The following ADAMTS7 variants were observed in gnomAD, a reference collection of about 807,000 sequenced individuals.
ADAMTS7 encodes A disintegrin and metalloproteinase with thrombospondin motifs 7.
In ADAMTS7, 89 loss-of-function variants were observed where a neutral mutation model predicts 172.6. The observed-to-expected ratio is 0.52, with a 90% CI of 0.43 to 0.61. The LOEUF (loss-of-function observed/expected upper bound fraction) is 0.61, where lower values mean the gene tolerates loss of function less well. Ranked by LOEUF, ADAMTS7 falls within the 20% of genes least tolerant of loss-of-function variation. The probability of loss-of-function intolerance (pLI) is 0.00; values close to 1 mark genes in which losing one functional copy is unlikely to be tolerated. For missense variants in ADAMTS7, 1,973 were observed against 2,355.6 expected (o/e 0.84, Z 3.36); for synonymous variants, 885 against 978.4 (o/e 0.90, Z 1.78).
At position 78,759,595 on chromosome 15, in the gene ADAMTS7, G is replaced by C. The variant is rs770290977; in HGVS notation, c.4904-17C>G. 5 of 1,567,824 alleles carry C rather than the reference G, an allele frequency of 3.2e-6. No homozygotes were observed. Among genetic ancestry groups the C allele is most frequent in the South Asian group, 1.2e-5 (1 of 86,716 alleles). ...GCTCACAGCCTGGAGTGGGGGGGCA[G>C]AGAGGCATCAGAACCAGTAGCTTGG... On this transcript the variant is annotated splice_polypyrimidine_tract_variant and intron_variant, in intron 23 of 23. Transcript: ENST00000388820.
At chr15:78,761,958 C>T (rs1567199082) in intron 23 of ADAMTS7, 1 of 985,296 alleles carries the variant, frequency 1.0e-6, no homozygotes, top group Non-Finnish European at 1.2e-6. Flanking sequence ...CCTGTGGTTC[C>T]ATTGCTCACT....
chr15:78,779,541 C>T (rs1041451847), intron 8 of ADAMTS7, among the ~76,000 whole-genome samples: 13 of 152,186 alleles, frequency 8.5e-5, no homozygotes, highest in African/African-American at 1.7e-4. Context: ...ACCATGGCAG[C>T]GAGACCTGGT....
Position 78,788,307 on chromosome 15 carries a change from A to G in ADAMTS7, c.1246T>C (p.Ser416Pro). ...EPVGKRPFIM[S>P]PQLLYDAAPL... ...GCGGCGTCGTACAGGAGCTGTGGAG[A>G]CATGATGAAAGGTCGTTTCCCAACG... The change falls in exon 8 of 24, where the codon TCT (serine) becomes CCT (proline). Residue 416 changes from serine (S) to proline (P), a missense_variant. Ser to Pro is a moderately conservative substitution (Grantham distance 74). Coordinates refer to ENST00000388820, the MANE Select transcript of ADAMTS7 (RefSeq NM_014272.5). 2 of 1,613,680 alleles carry G rather than the reference A, an allele frequency of 1.2e-6. No individual in the cohort carries two copies. Among genetic ancestry groups the G allele is most frequent in the East Asian group, 4.5e-5 (2 of 44,882 alleles).
intron 1 of ADAMTS7, among the ~76,000 whole-genome samples, chr15:78,805,055 GT>G (rs2055771164): frequency 6.6e-6 from 1 of 152,226 alleles, no homozygotes; most frequent in African/African-American, 2.4e-5. Flanking sequence ...AGAGATTCTG[GT>G]TGCACAGATC....
chr15:78,766,415 C>T lies in ADAMTS7; in HGVS notation c.3496G>A (p.Ala1166Thr), dbSNP rs780693652. 57 of 1,600,008 alleles carry T rather than the reference C, an allele frequency of 3.6e-5. No individual in the cohort carries two copies. The Middle Eastern group carries it at 1.1e-3, about 32-fold the overall frequency. The change falls in exon 19 of 24, where the codon GCC (alanine) becomes ACC (threonine). Residue 1166 changes from alanine (A) to threonine (T), a missense_variant. By Grantham distance (58) the Ala-to-Thr change is moderately conservative. This residue lies in a region of ADAMTS7 where 771 missense variants were observed against 952.6 expected (regional missense o/e 0.81). Coordinates refer to ENST00000388820, the MANE Select transcript of ADAMTS7 (RefSeq NM_014272.5). ...AGGCTGGGGAGCCCAAGATCTGGGG[C>T]CCCTATGGGGGTGTCTTCCTCAGGC... ...FLPEEDTPIG[A>T]PDLGLPSLSW...
intron 9 of ADAMTS7, 64 bp from the exon 10 acceptor site, chr15:78,776,905 C>G: frequency 7.2e-7 from 1 of 1,382,900 alleles, no homozygotes; most frequent in Non-Finnish European, 9.9e-7. Context: ...CCACCCTGCC[C>G]CCCTCCCTGT....
intron 1 of ADAMTS7, among the ~76,000 whole-genome samples, chr15:78,801,607 A>T (rs1381645254): frequency 6.6e-6 from 1 of 151,344 alleles, no homozygotes; most frequent in African/African-American, 2.4e-5. Flanking sequence ...CATTTTCATT[A>T]TTTTTTCTAT....
chr15:78,776,182 A>G lies in ADAMTS7; in HGVS notation c.1706+6T>C. ...TGCCCAAGGGCACCCTGGGCCCCAC[A>G]CTCACGTAGGCTGCGTGCACTGCCG... On this transcript the variant is annotated splice_donor_region_variant and intron_variant, in intron 11 of 23. Transcript: ENST00000388820. 6.2e-7 allele frequency: 1 copy of G among 1,603,590 alleles called. No homozygotes were observed. The highest frequency in any genetic ancestry group is 1.3e-5 in the African/African-American group (1 of 74,748).
In ADAMTS7 at chr15:78,771,655, G is replaced by A; in HGVS notation, c.2306C>T (p.Thr769Ile). 1 of 1,602,434 alleles carries A rather than the reference G, an allele frequency of 6.2e-7. No homozygotes were observed. Among genetic ancestry groups the A allele is most frequent in the Non-Finnish European group, 8.5e-7 (1 of 1,179,834 alleles). Residue 769 changes from threonine to isoleucine, a missense_variant, in exon 15 of 24, where the codon ACA (threonine) becomes ATA (isoleucine). Physicochemically the swap from Thr to Ile is moderately conservative, Grantham distance 89. Transcript: ENST00000388820. This position sits in a 1 kb window ranked among gnomAD's most constrained non-coding sequence, Gnocchi z 4.9. ...CTCCCAGTTGCCCCTGCGTGCGTAT[G>A]TGAAGGTGGTCCCTGCCACCTGGTA... ...GDYQVAGTTF[T>I]YARRGNWENL...
chr15:78,763,036 A>G (rs2055074628), intron 22 of ADAMTS7, among the ~76,000 whole-genome samples: 3 of 152,166 alleles, frequency 2.0e-5, no homozygotes, highest in South Asian at 2.1e-4. Flanking sequence ...TATCAGCCCT[A>G]AACATGCACT....
intron 1 of ADAMTS7, among the ~76,000 whole-genome samples, chr15:78,806,766 TTATG>T (rs2055802682): frequency 6.6e-6 from 1 of 152,056 alleles, no homozygotes; most frequent in South Asian, 2.1e-4. Flanking sequence ...TTTGTTTTGT[TTATG>T]TTTTTGTTTT....
At chr15:78,777,247 G>T (rs1427191715) in intron 9 of ADAMTS7, 197 bp downstream of exon 9, 7 of 754,408 alleles carry the variant, frequency 9.3e-6, no homozygotes, top group Non-Finnish European at 6.3e-6. Flanking sequence ...GGTTGACCCA[G>T]AATTCAGAGC....
chr15:78,806,808 C>T (rs1488112080), intron 1 of ADAMTS7, among the ~76,000 whole-genome samples: 2 of 152,194 alleles, frequency 1.3e-5, no homozygotes, highest in African/African-American at 4.8e-5. Flanking sequence ...TTCTTGTCCC[C>T]CAGGCTGGAG....
rs550439654 is a variant in ADAMTS7, at chr15:78,781,918, C to T, written c.1323-4330G>A. 2.0e-5 allele frequency among the ~76,000 whole-genome samples: 3 copies of T among 152,344 alleles called. No individual in the cohort carries two copies. The East Asian group carries it at 5.8e-4, about 29-fold the overall frequency. Reference sequence around the variant, plus strand: ...GTGCTAAGCACTGCACGCGTTTTCTCACTTATTCCTCATATCACATGCACA... The same window carrying T: ...GTGCTAAGCACTGCACGCGTTTTCTTACTTATTCCTCATATCACATGCACA... On this transcript the variant is annotated intron_variant, in intron 8 of 23. Coordinates refer to ENST00000388820, the MANE Select transcript of ADAMTS7 (RefSeq NM_014272.5).
Position 78,776,322 on chromosome 15 carries a change from A to G in ADAMTS7, c.1572T>C (p.Ser524=). The stretch of plus-strand genomic sequence containing the variant: ...GGAAGCCCACGGGTACGCACTCCCC[A>G]CTGAGACACCACTACTGAGACAGAC... ...TRCGENKWCL[S]GECVPVGFRP... Residue 524 remains serine (S), a synonymous_variant, in exon 11 of 24, where the codon AGT becomes AGC. Coordinates refer to ENST00000388820, the MANE Select transcript of ADAMTS7 (RefSeq NM_014272.5). 6.2e-7 allele frequency: 1 copy of G among 1,611,600 alleles called. No homozygotes were observed.
chr15:78,771,022 C>G lies in ADAMTS7; in HGVS notation c.2518+140G>C. ...GACACAGGGCAATCGCTAGCCTCAT[C>G]TCACAGATGGAGAACTGAGGCTCAG... On this transcript the variant is annotated intron_variant, in intron 16 of 23. Coordinates refer to ENST00000388820, the MANE Select transcript of ADAMTS7 (RefSeq NM_014272.5). The surrounding 1 kb of genome is among the most constrained non-coding windows in gnomAD (Gnocchi z 4.9). The G allele has an allele frequency of 8.3e-7, 1 of 1,211,212 alleles. No individual in the cohort carries two copies. The highest frequency in any genetic ancestry group is 1.1e-6 in the Non-Finnish European group (1 of 877,684). 75.0% of individuals were successfully genotyped at this position (1,211,212 alleles called of 1,614,324 possible).
At chr15:78,769,778 C>T (rs1217931873) in intron 16 of ADAMTS7, among the ~76,000 whole-genome samples, 6 of 152,286 alleles carry the variant, frequency 3.9e-5, no homozygotes, top group Non-Finnish European at 7.3e-5. Context: ...AGTGGTCCAC[C>T]TGCGAAGCAG....
chr15:78,786,259 A>C (rs1288914830), intron 8 of ADAMTS7, among the ~76,000 whole-genome samples: 2 of 152,134 alleles, frequency 1.3e-5, no homozygotes, highest in Non-Finnish European at 2.9e-5. Context: ...CTGATGGGAC[A>C]AAAGAGCCTG....
intron 9 of ADAMTS7, 177 bp from the exon 10 acceptor site, chr15:78,777,018 G>A: frequency 1.6e-6 from 1 of 615,876 alleles, no homozygotes; most frequent in Non-Finnish European, 2.9e-6. Flanking sequence ...GGACCATGTG[G>A]TGGTGTGGGG....
Sources: allele counts gnomAD v4.1 joint callset (sites outside exome capture counted in the v4.1 genomes callset), GRCh38; gene constraint gnomAD v4.1.1; regional missense constraint gnomAD v4.1.1; non-coding constraint Gnocchi (gnomAD v3.1); transcripts MANE v1.5; gene names NCBI Gene and HGNC (gene_info 2026-07-23, HGNC 2026-07-21).